YARS2: variants seen among roughly 807,000 people sequenced by gnomAD.
YARS2 encodes the protein tyrosine--tRNA ligase, mitochondrial.
In YARS2, 38 loss-of-function variants were observed where a neutral mutation model predicts 45.0. The ratio of observed to expected loss-of-function variants is 0.84; its 90% CI spans 0.65 to 1.11. The LOEUF (loss-of-function observed/expected upper bound fraction) is 1.11, where lower values mean the gene tolerates loss of function less well. YARS2 is among the 50% of genes least tolerant of loss of function. The pLI, the probability that YARS2 is intolerant of heterozygous loss-of-function variation, is 0.00. For synonymous variants in YARS2, 287 were observed against 245.1 expected (o/e 1.17, Z -1.60); for missense variants, 602 against 599.8 (o/e 1.00, Z -0.04).
In YARS2 at chr12:32,750,052, G is replaced by A; in HGVS notation, c.1159C>T (p.Gln387Ter). The part of the protein sequence containing the change: ...SIDALEVMSD[Q>*]ELKELFKEAP... ...TCTTTAAACAACTCTTTTAACTCCT[G>A]ATCAGACATGACCTCCAGTGCATCT... The change falls in exon 4 of 5, where the codon CAG becomes TAG. Residue 387 changes from glutamine (Q) to a stop codon, truncating the protein, a stop_gained. Coordinates refer to ENST00000324868, the MANE Select transcript of YARS2 (RefSeq NM_001040436.3). LOFTEE classifies it high-confidence loss of function. The A allele has an allele frequency of 6.2e-7, 1 of 1,614,102 alleles. No homozygotes were observed. Among genetic ancestry groups the A allele is most frequent in the Non-Finnish European group, 8.5e-7 (1 of 1,180,020 alleles).
At chr12:32,747,886 A>G (rs1239794241) in intron 4 of YARS2, among the ~76,000 whole-genome samples, 1 of 152,156 alleles carries the variant, frequency 6.6e-6, no homozygotes, top group East Asian at 1.9e-4. Context: ...CTCAAGAAAA[A>G]AAAAGAAAGA....
chr12:32,751,154 C>A (rs1955737092), intron 2 of YARS2, among the ~76,000 whole-genome samples: 1 of 150,770 alleles, frequency 6.6e-6, no homozygotes, highest in African/African-American at 2.4e-5. Context: ...GTAACCTCAA[C>A]CTCCTGGGCT....
chr12:32,748,114 A>T (rs76765178), intron 4 of YARS2, among the ~76,000 whole-genome samples: 1,850 of 152,284 alleles, frequency 0.012, 38 homozygotes, highest in African/African-American at 0.043. Flanking sequence ...TCTCATCTGA[A>T]TGTTACCAAA....
chr12:32,754,291 GC>G, intron 1 of YARS2, among the ~76,000 whole-genome samples: 1 of 152,238 alleles, frequency 6.6e-6, no homozygotes, highest in East Asian at 1.9e-4. Flanking sequence ...CAGGTTCTAG[GC>G]AGGCCAAGGG....
At position 32,750,825 on chromosome 12, in the gene YARS2, T is replaced by C. The variant is rs771048061; in HGVS notation, c.997A>G (p.Met333Val). 1.9e-6 allele frequency: 3 copies of C among 1,614,106 alleles called. No individual in the cohort carries two copies. Among genetic ancestry groups the C allele is most frequent in the Middle Eastern group, 1.6e-4 (1 of 6,084 alleles). ...TCTGGCTCTTTGACATGCAGCTGCA[T>C]GATATGATCAATCTCTGGAAGGGGC... is the stretch of plus-strand genomic sequence containing the variant. ...FLPLPEIDHI[M>V]QLHVKEPERR... Residue 333 changes from methionine to valine, a missense_variant, in exon 3 of 5, where the codon ATG becomes GTG. Coordinates refer to ENST00000324868, the MANE Select transcript of YARS2 (RefSeq NM_001040436.3).
chr12:32,749,892 T>C (rs970489965), intron 4 of YARS2, 45 bp downstream of exon 4: 23 of 1,606,756 alleles, frequency 1.4e-5, no homozygotes, highest in Non-Finnish European at 2.0e-5. Context: ...AACTGTAACA[T>C]TTAATGGTGA....
Position 32,755,802 on chromosome 12 carries a change from G to T in YARS2, c.73C>A (p.Pro25Thr), listed in dbSNP as rs761197965. ...SGTLNLSVLLPLGLRKAHSGA... is the reference protein window; with the variant it reads ...SGTLNLSVLLTLGLRKAHSGA... ...GAGTGGGCCTTACGCAGCCCCAAGG[G>T]CAACAATACTGAGAGATTTAGGGTA... is the stretch of plus-strand genomic sequence containing the variant. Residue 25 changes from proline to threonine, a missense_variant, in exon 1 of 5, where the codon CCC becomes ACC. Coordinates refer to ENST00000324868, the MANE Select transcript of YARS2 (RefSeq NM_001040436.3). 5.6e-6 allele frequency: 9 copies of T among 1,613,686 alleles called. No individual in the cohort carries two copies. The African/African-American group carries it at 1.2e-4, about 22-fold the overall frequency.
In YARS2 at chr12:32,755,728, C is replaced by T. The variant is rs1955835952; in HGVS notation, c.147G>A (p.Lys49=). The T allele has an allele frequency of 1.2e-6, 2 of 1,614,176 alleles. No individual in the cohort carries two copies. The highest frequency in any genetic ancestry group is 2.2e-5 in the East Asian group (1 of 44,886). The change falls in exon 1 of 5, where the codon AAG becomes AAA. Residue 49 remains lysine (K), a synonymous_variant. Coordinates refer to ENST00000324868, the MANE Select transcript of YARS2 (RefSeq NM_001040436.3). Reference sequence around the variant, plus strand: ...TCGTCCCCGTCTCCGGGAAGAAGTCCTTGAACAGACCTCGAGCCTTCTGCG... The same window carrying T: ...TCGTCCCCGTCTCCGGGAAGAAGTCTTTGAACAGACCTCGAGCCTTCTGCG... ...LAAQKARGLF[K]DFFPETGTKI... is the part of the protein sequence containing the mutation.
chr12:32,754,776 G>A (rs1292638830), intron 1 of YARS2, among the ~76,000 whole-genome samples: 1 of 149,120 alleles, frequency 6.7e-6, no homozygotes, highest in Admixed American at 6.7e-5. Context: ...GTGCAGTGGC[G>A]CGATCTCGGC....
Position 32,747,536 on chromosome 12 carries a change from C to T in YARS2, c.1275-173G>A, listed in dbSNP as rs532165570. Among the ~76,000 whole-genome samples the T allele has an allele frequency of 3.9e-5, 6 of 152,296 alleles. No homozygotes were observed. In the South Asian group the frequency reaches 1.0e-3, roughly 26 times the overall value. On this transcript the variant is annotated intron_variant, in intron 4 of 4. Transcript: ENST00000324868. The stretch of plus-strand genomic sequence containing the variant: ...TATTAATAGATTCTGCCTCTCTTTA[C>T]TGCTCTTTGTTTTTTGTTGTTTGTT...
In YARS2 at chr12:32,746,948, TAA is replaced by T. The variant is rs1442276543; in HGVS notation, c.*254_*255del. On this transcript the variant is annotated 3_prime_UTR_variant, in exon 5 of 5. Transcript: ENST00000324868. ...TTCTTTCTCTTCTGAAGTATAATTT[TAA>T]AAAGAGATTAACCCTGAAAATCATG... is the stretch of plus-strand genomic sequence containing the variant. 1 of 422,754 alleles carries T rather than the reference TAA, an allele frequency of 2.4e-6. No homozygotes were observed. The highest frequency in any genetic ancestry group is 4.3e-6 in the Non-Finnish European group (1 of 234,866). The allele number at this position is 422,754 out of a possible 1,614,324, so 26.2% of individuals were successfully genotyped here. A position where few individuals can be genotyped will look rare whatever the true frequency, so the allele number is the denominator to read the frequency against.
At chr12:32,747,701 C>G (rs1955670043) in intron 4 of YARS2, among the ~76,000 whole-genome samples, 1 of 152,164 alleles carries the variant, frequency 6.6e-6, no homozygotes, top group African/African-American at 2.4e-5. Flanking sequence ...CCACACCTGG[C>G]TAATTTTGTA....
intron 4 of YARS2, 103 bp from the exon 5 acceptor site, chr12:32,747,466 A>G: frequency 8.0e-7 from 1 of 1,243,532 alleles, no homozygotes; most frequent in Non-Finnish European, 1.2e-6. Flanking sequence ...TCCAATTGAG[A>G]AGATTTCATT....
At chr12:32,754,711 CTTTTTTT>C (rs755897245) in intron 1 of YARS2, among the ~76,000 whole-genome samples, 3 of 126,724 alleles carry the variant, frequency 2.4e-5, no homozygotes, top group African/African-American at 9.4e-5. Flanking sequence ...GTCTGTTTCC[CTTTTTTT>C]TTTTTTTTTT....
chr12:32,755,391 C>A lies in YARS2; in HGVS notation c.484G>T (p.Gly162Trp), dbSNP rs1026565163. 3 of 1,613,776 alleles carry A rather than the reference C, an allele frequency of 1.9e-6. No individual in the cohort carries two copies. Among genetic ancestry groups the A allele is most frequent in the Non-Finnish European group, 2.5e-6 (3 of 1,180,048 alleles). The change falls in exon 1 of 5, where the codon GGG becomes TGG. Residue 162 changes from glycine to tryptophan, a missense_variant. Transcript: ENST00000324868. ...ACAGTGAAGCTGCCCCAGGAGCGCC[C>A]ATCAGTGAAAAGCTGCTGGTGATTA... ...AANHQQLFTD[G>W]RSWGSFTVLD... is the part of the protein sequence containing the mutation.
In YARS2 at chr12:32,747,119, A is replaced by G; in HGVS notation, c.*85T>C. The G allele has an allele frequency of 7.0e-7, 1 of 1,421,766 alleles. No homozygotes were observed. Among genetic ancestry groups the G allele is most frequent in the South Asian group, 1.2e-5 (1 of 81,864 alleles). 88.1% of individuals were successfully genotyped at this position (1,421,766 alleles called of 1,614,324 possible). On this transcript the variant is annotated 3_prime_UTR_variant, in exon 5 of 5. Transcript: ENST00000324868. The stretch of plus-strand genomic sequence containing the variant: ...CTGTTTTTCTGATTTGCATAAGCAA[A>G]GGTCTAAGTTCTGGAGCCAACCCTT...
intron 3 of YARS2, among the ~76,000 whole-genome samples, chr12:32,750,494 C>T (rs983344668): frequency 3.3e-5 from 5 of 152,184 alleles, no homozygotes; most frequent in African/African-American, 1.2e-4. Flanking sequence ...AGCCACCGCG[C>T]CCGGCATAGA....
chr12:32,750,720 T>G lies in YARS2; in HGVS notation c.1102A>C (p.Arg368=). 3.1e-6 allele frequency: 5 copies of G among 1,613,870 alleles called. No homozygotes were observed. The highest frequency in any genetic ancestry group is 4.2e-6 in the Non-Finnish European group (5 of 1,180,016). ...GTGTTAATCATACTAAACTACTACC[T>G]TTTAGCAGAATCCAATCCTTCTCGT... is the stretch of plus-strand genomic sequence containing the variant. The part of the protein sequence containing the change: ...HGREGLDSAK[R]CTQALYHSSI... The change falls in exon 3 of 5, where the codon AGG becomes CGG. Residue 368 remains arginine (R), a splice_region_variant and synonymous_variant. Transcript: ENST00000324868.
chr12:32,750,185 A>G, intron 3 of YARS2, 78 bp from the exon 4 acceptor site: 1 of 1,563,620 alleles, frequency 6.4e-7, no homozygotes, highest in Non-Finnish European at 8.7e-7. Flanking sequence ...AACCAATTAT[A>G]GAGTGTCCAA....
Sources: gnomAD v4.1 joint callset for allele counts (sites outside exome capture counted in the v4.1 genomes callset) on GRCh38, gnomAD v4.1.1 for gene constraint, MANE v1.5 for transcripts, NCBI Gene and HGNC (gene_info 2026-07-23, HGNC 2026-07-21) for gene names.